The following DQX1 variants were observed in gnomAD, a reference collection of about 807,000 sequenced individuals.
DQX1 encodes ATP-dependent RNA helicase homolog DQX1.
In DQX1, 66 loss-of-function variants were observed where a neutral mutation model predicts 81.3. The observed-to-expected ratio is 0.81, with a 90% CI of 0.67 to 1.00. DQX1 has a LOEUF of 1.00. Among genes scored for constraint, DQX1 ranks in the 50% least tolerant of loss-of-function variants. The pLI, the probability that DQX1 is intolerant of heterozygous loss-of-function variation, is 0.00. For missense variants in DQX1, 798 were observed against 867.9 expected (o/e 0.92, Z 1.01); for synonymous variants, 290 against 350.0 (o/e 0.83, Z 1.91).
In DQX1 at chr2:74,518,583, GA is replaced by G. The variant is rs776360001; in HGVS notation, c.2016del (p.Pro673HisfsTer4). 6.2e-7 allele frequency: 1 copy of G among 1,614,172 alleles called. No homozygotes were observed. ...GGAGGCAAGTTACTCAGGAAGTATG[GA>G]GGGGCCAATTCCACCAGCCTAATAG... ...IQPQMLVELA[P>X]PYFLSNLPPS... On this transcript the variant is annotated frameshift_variant, in exon 12 of 12. Coordinates refer to ENST00000404568, the MANE Select transcript of DQX1 (RefSeq NM_133637.3). LOFTEE classifies it high-confidence loss of function.
intron 3 of DQX1, 26 bp downstream of exon 3, chr2:74,524,983 C>T (rs201570379): frequency 3.3e-5 from 53 of 1,592,170 alleles, no homozygotes; most frequent in East Asian, 6.8e-5. Context: ...GAATTATATT[C>T]GGGTAAGGCC....
intron 8 of DQX1, among the ~76,000 whole-genome samples, chr2:74,521,302 T>A (rs918429861): frequency 6.6e-6 from 1 of 152,110 alleles, no homozygotes; most frequent in African/African-American, 2.4e-5. Context: ...AGTGGTTTAA[T>A]AGAGCATTTG....
At chr2:74,518,851 C>T (rs1403839312) in intron 11 of DQX1, among the ~76,000 whole-genome samples, 189 bp downstream of exon 11, 2 of 152,204 alleles carry the variant, frequency 1.3e-5, no homozygotes, top group African/African-American at 4.8e-5. Context: ...GCCTAGGTCT[C>T]CAAAAGTGCA....
At chr2:74,523,618 G>C (rs1165729614) in intron 4 of DQX1, 81 bp from the exon 5 acceptor site, 4 of 1,340,088 alleles carry the variant, frequency 3.0e-6, no homozygotes, top group Non-Finnish European at 3.1e-6. Context: ...ACTGTTGAAA[G>C]TTATGGCCCT....
Position 74,523,145 on chromosome 2 carries a change from C to T in DQX1, c.1118G>A (p.Arg373Gln), listed in dbSNP as rs758892134. The change falls in exon 6 of 12, where the codon CGA becomes CAA. Residue 373 changes from arginine to glutamine, a missense_variant. By Grantham distance (43) the Arg-to-Gln change is conservative (BLOSUM62 1). Coordinates refer to ENST00000404568, the MANE Select transcript of DQX1 (RefSeq NM_133637.3). ...TGGTGGGAACCCTCTTGCTCGCAAT[C>T]GTCTTGCCTCTGCCTGACACTTGCT... is the stretch of plus-strand genomic sequence containing the variant. ...PISKCQAEAR[R>Q]LRARGFPPGS... The T allele has an allele frequency of 3.4e-5, 55 of 1,614,062 alleles. No individual in the cohort carries two copies. Among genetic ancestry groups the T allele is most frequent in the Admixed American group, 1.7e-5 (1 of 60,004 alleles).
Position 74,523,187 on chromosome 2 carries a change from T to G in DQX1, c.1076A>C (p.Gln359Pro). ...VYNPRIRAEF[Q>P]VLRPISKCQA... is the part of the protein sequence containing the mutation. ...ACACTTGCTGATTGGCCTCAACACT[T>G]GGAATTCTGCTCGGATCCTAGGATT... Residue 359 changes from glutamine (Q) to proline (P), a missense_variant, in exon 6 of 12, where the codon CAA (glutamine) becomes CCA (proline). Coordinates refer to ENST00000404568, the MANE Select transcript of DQX1 (RefSeq NM_133637.3). 1 of 1,614,196 alleles carries G rather than the reference T, an allele frequency of 6.2e-7. No homozygotes were observed. The highest frequency in any genetic ancestry group is 1.3e-5 in the African/African-American group (1 of 75,038).
chr2:74,518,474 T>C lies in DQX1; in HGVS notation c.2126A>G (p.Glu709Gly), dbSNP rs1444595389. ...TAGSKSSSAQ[E>G]FRDPCVLQ ...CTGCAGGACACAGGGATCTCTGAAC[T>C]CCTGGGCTGAGGATGATTTGCTCCC... The change falls in exon 12 of 12, where the codon GAG (glutamate) becomes GGG (glycine). Residue 709 changes from glutamate (E) to glycine (G), a missense_variant. Coordinates refer to ENST00000404568, the MANE Select transcript of DQX1 (RefSeq NM_133637.3). 1.2e-6 allele frequency: 2 copies of C among 1,614,194 alleles called. No homozygotes were observed. Among genetic ancestry groups the C allele is most frequent in the Admixed American group, 1.7e-5 (1 of 60,028 alleles).
Position 74,520,415 on chromosome 2 carries a change from A to G in DQX1, c.1496-381T>C, listed in dbSNP as rs145715711. ...AGTATTTGAAATTTGAGTAGGAATTAGCCGAGTGGAGACGGGGCAGGGAGT... is the reference window on the plus strand; with the variant it reads ...AGTATTTGAAATTTGAGTAGGAATTGGCCGAGTGGAGACGGGGCAGGGAGT... On this transcript the variant is annotated intron_variant, in intron 8 of 11. Transcript: ENST00000404568. Among the ~76,000 whole-genome samples, 304 of 152,332 alleles carry G rather than the reference A, an allele frequency of 2.0e-3. 1 individual carries two copies. The highest frequency in any genetic ancestry group is 7.1e-3 in the African/African-American group (294 of 41,570).
chr2:74,519,485 T>A, intron 10 of DQX1, 71 bp downstream of exon 10: 3 of 1,552,128 alleles, frequency 1.9e-6, no homozygotes, highest in Non-Finnish European at 2.6e-6. Context: ...GATTTCAAAG[T>A]GGCTTACCAA....
intron 8 of DQX1, among the ~76,000 whole-genome samples, chr2:74,521,692 G>T (rs1489086417): frequency 2.7e-5 from 4 of 150,524 alleles, no homozygotes; most frequent in African/African-American, 9.8e-5. Flanking sequence ...CGTTCATCAG[G>T]AGTTGGAGTA....
In DQX1 at chr2:74,522,855, C is replaced by T. The variant is rs1179085593; in HGVS notation, c.1303+1G>A. ...AGTGCTTGGGCAGGAGAGGTGCTCACCAGGCTGGTCCAGGAAGTGACACTC... is the reference window on the plus strand; with the variant it reads ...AGTGCTTGGGCAGGAGAGGTGCTCATCAGGCTGGTCCAGGAAGTGACACTC... On this transcript the variant is annotated splice_donor_variant, in intron 7 of 11. Transcript: ENST00000404568. LOFTEE classifies it high-confidence loss of function. 1.2e-6 allele frequency: 2 copies of T among 1,613,604 alleles called. No homozygotes were observed. Among genetic ancestry groups the T allele is most frequent in the Non-Finnish European group, 1.7e-6 (2 of 1,179,574 alleles).
intron 1 of DQX1, 109 bp downstream of exon 1, chr2:74,526,027 A>C (rs1572987306): frequency 2.7e-6 from 1 of 368,170 alleles, no homozygotes; most frequent in East Asian, 5.6e-5. Flanking sequence ...AGGGCAGTAG[A>C]AATTATGTGA....
At position 74,522,586 on chromosome 2, in the gene DQX1, G is replaced by A. The variant is rs200353206; in HGVS notation, c.1489C>T (p.Leu497Phe). The change falls in exon 8 of 12, where the codon CTC becomes TTC. Residue 497 changes from leucine to phenylalanine, a missense_variant. Physicochemically the swap from Leu to Phe is conservative, Grantham distance 22 (BLOSUM62 0). Coordinates refer to ENST00000404568, the MANE Select transcript of DQX1 (RefSeq NM_133637.3). Reference sequence around the variant, plus strand: ...TTACAGCAGCGATTTATACCTGTGAGCATGGCAGCCAGGGTGAGCATCTCG... The same window carrying A: ...TTACAGCAGCGATTTATACCTGTGAACATGGCAGCCAGGGTGAGCATCTCG... ...VDEMLTLAAM[L>F]TAAPGFTRPP... is the part of the protein sequence containing the mutation. 6.2e-7 allele frequency: 1 copy of A among 1,613,182 alleles called. No individual in the cohort carries two copies. The highest frequency in any genetic ancestry group is 1.3e-5 in the African/African-American group (1 of 75,036).
chr2:74,523,824 C>T (rs1675102895), intron 4 of DQX1, 99 bp downstream of exon 4: 2 of 1,427,124 alleles, frequency 1.4e-6, no homozygotes, highest in Non-Finnish European at 1.8e-6. Flanking sequence ...AGAGGCATTG[C>T]TCCCATTCCC....
Position 74,523,440 on chromosome 2 carries a change from CCA to C in DQX1, c.912_913del (p.Cys304TrpfsTer9). The C allele has an allele frequency of 1.1e-5, 17 of 1,614,108 alleles. No individual in the cohort carries two copies. Among genetic ancestry groups the C allele is most frequent in the Non-Finnish European group, 1.4e-5 (17 of 1,180,024 alleles). ...CTCATACACAGCCTGAACGGCTCGT[CCA>C]CAGTCTGGGTGAAGGGGCAGTACTC... On this transcript the variant is annotated frameshift_variant, in exon 5 of 12. Transcript: ENST00000404568. LOFTEE classifies it high-confidence loss of function.
intron 10 of DQX1, 74 bp downstream of exon 10, chr2:74,519,482 A>G: frequency 5.8e-6 from 9 of 1,550,046 alleles, no homozygotes; most frequent in Admixed American, 1.9e-5. Flanking sequence ...CCTGATTTCA[A>G]AGTGGCTTAC....
chr2:74,524,081 G>A lies in DQX1; in HGVS notation c.658C>T (p.Pro220Ser). Reference sequence around the variant, plus strand: ...GGCTCTCTGGGTATATGCACAATAGGAGGATTGCCCCAGAAAGCTCGGAGC... The same window carrying A: ...GGCTCTCTGGGTATATGCACAATAGAAGGATTGCCCCAGAAAGCTCGGAGC... ...PKLRAFWGNP[P>S]IVHIPREPGE... is the part of the protein sequence containing the mutation. The change falls in exon 4 of 12, where the codon CCT (proline) becomes TCT (serine). Residue 220 changes from proline (P) to serine (S), a missense_variant. Coordinates refer to ENST00000404568, the MANE Select transcript of DQX1 (RefSeq NM_133637.3). The A allele has an allele frequency of 6.2e-7, 1 of 1,614,190 alleles. No individual in the cohort carries two copies. The highest frequency in any genetic ancestry group is 8.5e-7 in the Non-Finnish European group (1 of 1,180,032).
In DQX1 at chr2:74,522,680, T is replaced by C; in HGVS notation, c.1395A>G (p.Leu465=). The C allele has an allele frequency of 6.2e-7, 1 of 1,614,180 alleles. No homozygotes were observed. Among genetic ancestry groups the C allele is most frequent in the East Asian group, 2.2e-5 (1 of 44,878 alleles). ...DGDLSDLGVI[L]SEFPLAPELA... ...GCTCAGGGGCCAGAGGGAATTCTGA[T>C]AGTATGACACCCAGATCTGACAGGT... is the stretch of plus-strand genomic sequence containing the variant. Residue 465 remains leucine (L), a synonymous_variant, in exon 8 of 12, where the codon CTA becomes CTG. Coordinates refer to ENST00000404568, the MANE Select transcript of DQX1 (RefSeq NM_133637.3).
At chr2:74,518,638 TTC>T (rs370319237) in intron 11 of DQX1, 36 bp from the exon 12 acceptor site, 27 of 1,601,394 alleles carry the variant, frequency 1.7e-5, no homozygotes, top group South Asian at 8.9e-5. Context: ...GATCTGCATC[TTC>T]TCTCTCTCTG....
Sources: allele counts gnomAD v4.1 joint callset (sites outside exome capture counted in the v4.1 genomes callset), GRCh38; gene constraint gnomAD v4.1.1; transcripts MANE v1.5; gene names NCBI Gene and HGNC (gene_info 2026-07-23, HGNC 2026-07-21).